The following GLCCI1 variants were observed in gnomAD, a reference collection of about 807,000 sequenced individuals.
The protein encoded by GLCCI1 is glucocorticoid induced 1.
A neutral mutation model predicts 52.2 loss-of-function variants in GLCCI1; 24 were observed. The ratio of observed to expected loss-of-function variants is 0.46; its 90% CI spans 0.33 to 0.65. The LOEUF (loss-of-function observed/expected upper bound fraction) is 0.65, where lower values mean the gene tolerates loss of function less well. GLCCI1 is among the 30% of genes least tolerant of loss of function. The pLI, the probability that GLCCI1 is intolerant of heterozygous loss-of-function variation, is 0.02. For synonymous variants in GLCCI1, 310 were observed against 276.5 expected (o/e 1.12, Z -1.20); for missense variants, 704 against 701.5 (o/e 1.00, Z -0.04).
intron 6 of GLCCI1, among the ~76,000 whole-genome samples, chr7:8,077,274 C>T (rs1201691705): frequency 2.6e-5 from 4 of 152,188 alleles, no homozygotes; most frequent in African/African-American, 4.8e-5. Flanking sequence ...GAAGTATCAA[C>T]TCATAGGGAC....
intron 3 of GLCCI1, among the ~76,000 whole-genome samples, chr7:8,033,555 A>C (rs752508446): frequency 2.0e-5 from 3 of 152,162 alleles, no homozygotes; most frequent in Non-Finnish European, 2.9e-5. Flanking sequence ...CCAAGGTTAC[A>C]TGATATGAGA....
intron 1 of GLCCI1, among the ~76,000 whole-genome samples, chr7:7,992,943 T>C (rs1415777099): frequency 6.6e-6 from 1 of 152,166 alleles, no homozygotes; most frequent in Non-Finnish European, 1.5e-5. Context: ...TTCCTTGCTG[T>C]CAAACACATC....
chr7:8,076,664 A>G (rs1363086558), intron 6 of GLCCI1, among the ~76,000 whole-genome samples: 1 of 152,220 alleles, frequency 6.6e-6, no homozygotes, highest in Non-Finnish European at 1.5e-5. Context: ...TGCTCAGTTT[A>G]GAATATAAGC....
At chr7:8,030,429 A>C (rs901862497) in intron 3 of GLCCI1, among the ~76,000 whole-genome samples, 2 of 152,174 alleles carry the variant, frequency 1.3e-5, no homozygotes, top group South Asian at 4.1e-4. Context: ...TCAAACTATG[A>C]AACTACTACA....
chr7:7,999,689 G>A (rs1045723126), intron 1 of GLCCI1, among the ~76,000 whole-genome samples: 1 of 152,138 alleles, frequency 6.6e-6, no homozygotes, highest in Non-Finnish European at 1.5e-5. Context: ...AGGATCGCTT[G>A]AGCCCAGGAG....
chr7:8,081,918 G>A (rs568766860), intron 6 of GLCCI1, among the ~76,000 whole-genome samples: 2 of 152,232 alleles, frequency 1.3e-5, no homozygotes, highest in African/African-American at 4.8e-5. Context: ...TATATTCACT[G>A]CATTTAATTT....
At chr7:8,067,979 G>A (rs1782669407) in intron 5 of GLCCI1, among the ~76,000 whole-genome samples, 1 of 152,076 alleles carries the variant, frequency 6.6e-6, no homozygotes, top group African/African-American at 2.4e-5. Flanking sequence ...ATCATTTTTA[G>A]GGATGCCAGT....
At position 8,026,850 on chromosome 7, in the gene GLCCI1, A is replaced by C. The variant is rs140253177; in HGVS notation, c.696+4281A>C. 8.6e-3 allele frequency among the ~76,000 whole-genome samples: 1,312 copies of C among 152,306 alleles called. 20 individuals are homozygous for C. The highest frequency in any genetic ancestry group is 0.03 in the African/African-American group (1,227 of 41,548). ...CCCCCTGTTTGCTGAGGAGAAAGTA[A>C]GGGAAAAGAATAACAGTCTTTGTCT... On this transcript the variant is annotated intron_variant, in intron 3 of 7. Coordinates refer to ENST00000223145, the MANE Select transcript of GLCCI1 (RefSeq NM_138426.4).
At chr7:8,041,724 G>T (rs1782002812) in intron 3 of GLCCI1, among the ~76,000 whole-genome samples, 1 of 152,076 alleles carries the variant, frequency 6.6e-6, no homozygotes, top group South Asian at 2.1e-4. Context: ...CCAAGTAGCT[G>T]GTACTACAGG....
intron 6 of GLCCI1, among the ~76,000 whole-genome samples, chr7:8,080,425 G>C (rs548663597): frequency 6.6e-6 from 1 of 151,438 alleles, no homozygotes; most frequent in African/African-American, 2.5e-5. Context: ...CATATACTAT[G>C]AAAGTATTTT....
intron 1 of GLCCI1, among the ~76,000 whole-genome samples, chr7:7,992,063 C>CTTTG (rs1211974104): frequency 2.8e-5 from 4 of 143,348 alleles, no homozygotes; most frequent in Non-Finnish European, 6.0e-5. Context: ...TTCTTTCTTT[C>CTTTG]TTTCTTTCTT....
Position 8,056,223 on chromosome 7 carries a change from G to A in GLCCI1, c.813+674G>A, listed in dbSNP as rs112635236. Among the ~76,000 whole-genome samples the A allele has an allele frequency of 1.0e-2, 1,520 of 152,126 alleles. 15 individuals are homozygous for A. Among genetic ancestry groups the A allele is most frequent in the Admixed American group, 0.016 (239 of 15,286 alleles). On this transcript the variant is annotated intron_variant, in intron 4 of 7. Coordinates refer to ENST00000223145, the MANE Select transcript of GLCCI1 (RefSeq NM_138426.4). ...TGAGGCAGGAGACTCACTTGAACCC[G>A]GGAGGCAGAGGTTGCAGTGAGCTGA...
intron 5 of GLCCI1, among the ~76,000 whole-genome samples, chr7:8,069,804 C>G (rs2099887623): frequency 6.6e-6 from 1 of 152,176 alleles, no homozygotes; most frequent in Non-Finnish European, 1.5e-5. Context: ...CATTTCCCCT[C>G]TTGACAGTTT....
intron 1 of GLCCI1, among the ~76,000 whole-genome samples, chr7:7,973,156 C>A (rs141504246): frequency 6.6e-6 from 1 of 151,962 alleles, no homozygotes; most frequent in South Asian, 2.1e-4. Flanking sequence ...AAGTATTATG[C>A]AAATAGTTAT....
At chr7:8,003,626 T>C (rs1343491855) in intron 1 of GLCCI1, among the ~76,000 whole-genome samples, 1 of 152,136 alleles carries the variant, frequency 6.6e-6, no homozygotes, top group Non-Finnish European at 1.5e-5. Context: ...ATGGGAGTCT[T>C]AATTAAAATA....
chr7:7,980,594 G>T lies in GLCCI1; in HGVS notation c.457+10787G>T, dbSNP rs565028284. On this transcript the variant is annotated intron_variant, in intron 1 of 7. Coordinates refer to ENST00000223145, the MANE Select transcript of GLCCI1 (RefSeq NM_138426.4). Reference sequence around the variant, plus strand: ...GGTCATGGAGGAGAGTCTATTTTTGGCCTAGGATTGTATGGTGATCAAGCA... The same window carrying T: ...GGTCATGGAGGAGAGTCTATTTTTGTCCTAGGATTGTATGGTGATCAAGCA... The T allele has an allele frequency of 5.1e-5, 34 of 671,178 alleles. No homozygotes were observed. The South Asian group carries it at 6.0e-4, about 12-fold the overall frequency. The allele number at this position is 671,178 out of a possible 1,614,324, so 41.6% of individuals were successfully genotyped here.
chr7:8,074,064 T>C (rs991112383), intron 6 of GLCCI1, among the ~76,000 whole-genome samples: 1 of 152,238 alleles, frequency 6.6e-6, no homozygotes, highest in Non-Finnish European at 1.5e-5. Context: ...TTTATGTATT[T>C]CAACTGAGGT....
At chr7:8,082,463 C>T (rs546052063) in intron 6 of GLCCI1, among the ~76,000 whole-genome samples, 5 of 152,188 alleles carry the variant, frequency 3.3e-5, no homozygotes, top group African/African-American at 9.6e-5. Flanking sequence ...TCCCTGACCC[C>T]TATTTACAGT....
chr7:8,010,730 C>CTACT (rs1781246924), intron 2 of GLCCI1, among the ~76,000 whole-genome samples: 2 of 151,970 alleles, frequency 1.3e-5, no homozygotes, highest in African/African-American at 2.4e-5. Context: ...CCTAGGCCTA[C>CTACT]TACTTAAAAA....
Sources: allele counts gnomAD v4.1 joint callset (sites outside exome capture counted in the v4.1 genomes callset), GRCh38; gene constraint gnomAD v4.1.1; transcripts MANE v1.5; gene names NCBI Gene and HGNC (gene_info 2026-07-23, HGNC 2026-07-21).